The following SYNM variants were observed in gnomAD, a reference collection of about 807,000 sequenced individuals.
SYNM encodes the protein desmuslin.
Under a neutral mutation model 104.0 loss-of-function variants are expected in SYNM, and 95 were observed. The ratio of observed to expected loss-of-function variants is 0.91; its 90% CI spans 0.77 to 1.08. SYNM has a LOEUF of 1.08. Ranked by LOEUF, SYNM falls within the 50% of genes least tolerant of loss-of-function variation. The pLI is 0.00. For synonymous variants in SYNM, 918 were observed against 869.0 expected, an observed-to-expected ratio of 1.06 and a Z score of -0.99; for missense variants, 2,150 against 2,052.2, an observed-to-expected ratio of 1.05 and a Z score of -0.92.
intron 2 of SYNM, among the ~76,000 whole-genome samples, chr15:99,118,253 G>A (rs1170222472): frequency 1.1e-4 from 17 of 152,220 alleles, no homozygotes; most frequent in Admixed American, 7.9e-4. Context: ...ACAAACCCTC[G>A]TCATCCTCGA....
intron 2 of SYNM, among the ~76,000 whole-genome samples, chr15:99,121,991 A>C (rs924016690): frequency 6.6e-6 from 1 of 152,206 alleles, no homozygotes; most frequent in Non-Finnish European, 1.5e-5. Flanking sequence ...TGAAAGAAAA[A>C]ATGGAAAGCT....
chr15:99,109,068 C>T (rs782004128), intron 1 of SYNM, among the ~76,000 whole-genome samples: 5 of 152,192 alleles, frequency 3.3e-5, no homozygotes, highest in Admixed American at 6.5e-5. Context: ...TTGTGCCCAG[C>T]TCTCCCTGCC....
At position 99,131,747 on chromosome 15, in the gene SYNM, C is replaced by T. The variant is rs368155720; in HGVS notation, c.3387C>T (p.Leu1129=). 59 of 1,613,952 alleles carry T rather than the reference C, an allele frequency of 3.7e-5. No individual in the cohort carries two copies. In the Middle Eastern group the frequency reaches 6.6e-4, roughly 18 times the overall value. The change falls in exon 4 of 4, where the codon CTC becomes CTT. Residue 1129 remains leucine (L), a synonymous_variant. Coordinates refer to ENST00000336292, the MANE Select transcript of SYNM (RefSeq NM_145728.3). The surrounding 1 kb of genome is among the most constrained non-coding windows in gnomAD (Gnocchi z 4.3). ...DVSQAARHIK[L]GPSEVWRTER... Reference sequence around the variant, plus strand: ...GCCAGGCTGCAAGGCACATAAAACTCGGCCCCTCTGAAGTCTGGAGGACTG... The same window carrying T: ...GCCAGGCTGCAAGGCACATAAAACTTGGCCCCTCTGAAGTCTGGAGGACTG...
intron 1 of SYNM, among the ~76,000 whole-genome samples, chr15:99,106,845 C>T (rs1477022575): frequency 2.0e-5 from 3 of 152,234 alleles, no homozygotes; most frequent in African/African-American, 7.2e-5. Context: ...CCAAATCACA[C>T]TATCAGTAGT....
At chr15:99,108,536 G>T (rs1431112673) in intron 1 of SYNM, among the ~76,000 whole-genome samples, 3 of 152,152 alleles carry the variant, frequency 2.0e-5, no homozygotes, top group African/African-American at 7.2e-5. Context: ...CCTAAAAATG[G>T]GTTGAATTAG....
chr15:99,123,193 AG>A (rs1417237389), intron 2 of SYNM, among the ~76,000 whole-genome samples: 4 of 152,160 alleles, frequency 2.6e-5, no homozygotes, highest in Non-Finnish European at 1.5e-5. Context: ...TCACAGAACT[AG>A]GAAGTGGCAG....
In SYNM at chr15:99,132,817, A is replaced by AGACG. The variant is rs1450083872; in HGVS notation, c.4457_4458insGACG (p.Asp1486GlufsTer12). Reference sequence around the variant, plus strand: ...GAAGCGGGAGCTCTCGGTGTGTCTGACCGTGGTTCCTGGAGAGACGCGGAC... The same window carrying AGACG: ...GAAGCGGGAGCTCTCGGTGTGTCTGAGACGCCGTGGTTCCTGGAGAGACGCGGAC... On this transcript the variant is annotated frameshift_variant, in exon 4 of 4. Coordinates refer to ENST00000336292, the MANE Select transcript of SYNM (RefSeq NM_145728.3). LOFTEE classifies it high-confidence loss of function. 1 of 1,613,392 alleles carries AGACG rather than the reference A, an allele frequency of 6.2e-7. No homozygotes were observed. The highest frequency in any genetic ancestry group is 2.2e-5 in the East Asian group (1 of 44,858).
downstream of SYNM, chr15:99,139,948 G>C (rs547341732): frequency 3.6e-5 from 12 of 334,030 alleles, no homozygotes; most frequent in African/African-American, 2.4e-4. Context: ...TTGATTGCTT[G>C]TAGTAGGCTA....
rs782724353 is a variant in SYNM, at chr15:99,132,758, G to C, written c.4398G>C (p.Val1466=). ...CTTCGTTTACCTTTCAGATGGATGT[G>C]AGTAACGTAGAGGCGATCCGCAGCC... ...KETSFTFQMD[V]SNVEAIRSRT... is the part of the protein sequence containing the mutation. The change falls in exon 4 of 4, where the codon GTG becomes GTC. Residue 1466 remains valine (V), a synonymous_variant. Coordinates refer to ENST00000336292, the MANE Select transcript of SYNM (RefSeq NM_145728.3). 8 of 1,613,832 alleles carry C rather than the reference G, an allele frequency of 5.0e-6. No homozygotes were observed. The African/African-American group carries it at 8.0e-5, about 16-fold the overall frequency.
At position 99,132,073 on chromosome 15, in the gene SYNM, GCC is replaced by G. The variant is rs782636176; in HGVS notation, c.3716_3717del (p.Pro1239HisfsTer9). 1.9e-6 allele frequency: 3 copies of G among 1,613,918 alleles called. No homozygotes were observed. Among genetic ancestry groups the G allele is most frequent in the South Asian group, 1.1e-5 (1 of 91,070 alleles). ...GCTGAAAAGGAGATTATTTTTCAGG[GCC>G]CCATTTCTGCTGCAGGGAAGGTTGG... On this transcript the variant is annotated frameshift_variant, in exon 4 of 4. Transcript: ENST00000336292. LOFTEE classifies it high-confidence loss of function.
intron 2 of SYNM, among the ~76,000 whole-genome samples, chr15:99,116,716 G>A (rs1486967455): frequency 7.0e-6 from 1 of 142,390 alleles, no homozygotes; most frequent in Non-Finnish European, 1.6e-5. Context: ...CACCCAGGCT[G>A]GAGTGTGGTG....
intron 1 of SYNM, 33 bp from the exon 2 acceptor site, chr15:99,113,558 T>C (rs2067318947): frequency 6.2e-7 from 1 of 1,611,022 alleles, no homozygotes; most frequent in African/African-American, 1.3e-5. Flanking sequence ...AAGCTCCAGT[T>C]CTCTGATATA....
intron 2 of SYNM, among the ~76,000 whole-genome samples, chr15:99,124,743 T>G (rs1248240664): frequency 3.3e-5 from 5 of 152,170 alleles, no homozygotes; most frequent in African/African-American, 1.2e-4. Context: ...CCGTATGCCC[T>G]TGACCAAGAC....
intron 2 of SYNM, among the ~76,000 whole-genome samples, chr15:99,114,777 A>AC (rs11443860): frequency 0.54 from 80,965 of 150,938 alleles, 21,957 homozygotes; most frequent in Middle Eastern, 0.63. Flanking sequence ...CCTTGGCATC[A>AC]CCCTCCTTTC....
At position 99,132,367 on chromosome 15, in the gene SYNM, C is replaced by G; in HGVS notation, c.4007C>G (p.Ser1336Cys). 1 of 1,613,952 alleles carries G rather than the reference C, an allele frequency of 6.2e-7. No individual in the cohort carries two copies. The highest frequency in any genetic ancestry group is 8.5e-7 in the Non-Finnish European group (1 of 1,179,848). ...GGGCTGGTTCCCCAACTGGGGGAATCTGGTGACTCAGAGAGCACTGTGCAC... is the reference window on the plus strand; with the variant it reads ...GGGCTGGTTCCCCAACTGGGGGAATGTGGTGACTCAGAGAGCACTGTGCAC... ...YHGLVPQLGE[S>C]GDSESTVHGE... is the part of the protein sequence containing the mutation. The change falls in exon 4 of 4, where the codon TCT becomes TGT. Residue 1336 changes from serine (S) to cysteine (C), a missense_variant. Coordinates refer to ENST00000336292, the MANE Select transcript of SYNM (RefSeq NM_145728.3).
At chr15:99,118,333 G>C (rs532124346) in intron 2 of SYNM, among the ~76,000 whole-genome samples, 2 of 152,222 alleles carry the variant, frequency 1.3e-5, no homozygotes, top group Admixed American at 1.3e-4. Context: ...GTTTGTGTTC[G>C]TGGACTTGCG....
chr15:99,131,393 C>T lies in SYNM; in HGVS notation c.3033C>T (p.Ala1011=), dbSNP rs782430848. The T allele has an allele frequency of 8.7e-6, 14 of 1,612,448 alleles. No individual in the cohort carries two copies. Among genetic ancestry groups the T allele is most frequent in the Non-Finnish European group, 1.1e-5 (13 of 1,179,406 alleles). ...AEVNVSQTVD[A]DRLDLEELSK... ...TCAACGTCTCACAAACTGTGGATGC[C>T]GATCGGTTAGACCTGGAGGAGCTGA... The change falls in exon 4 of 4, where the codon GCC becomes GCT. Residue 1011 remains alanine, a synonymous_variant. Transcript: ENST00000336292. This position sits in a 1 kb window ranked among gnomAD's most constrained non-coding sequence, Gnocchi z 4.3.
chr15:99,129,533 A>G lies in SYNM; in HGVS notation c.1173A>G (p.Gly391=). 1 of 1,613,980 alleles carries G rather than the reference A, an allele frequency of 6.2e-7. No individual in the cohort carries two copies. Among genetic ancestry groups the G allele is most frequent in the Non-Finnish European group, 8.5e-7 (1 of 1,179,900 alleles). The change falls in exon 4 of 4, where the codon GGA becomes GGG. Residue 391 remains glycine (G), a synonymous_variant. Transcript: ENST00000336292. Reference sequence around the variant, plus strand: ...GATCTCAGACGGGCACATCTATTGGAGGTGATGCCAGAAGAGGCTTCTTGG... The same window carrying G: ...GATCTCAGACGGGCACATCTATTGGGGGTGATGCCAGAAGAGGCTTCTTGG... ...HRGSQTGTSI[G]GDARRGFLGS...
intron 2 of SYNM, among the ~76,000 whole-genome samples, chr15:99,121,096 G>T (rs1174397516): frequency 6.6e-6 from 1 of 152,114 alleles, no homozygotes; most frequent in Admixed American, 6.5e-5. Context: ...TGGCAGAAAG[G>T]AATCAGGAAG....
Sources: allele counts gnomAD v4.1 joint callset (sites outside exome capture counted in the v4.1 genomes callset), GRCh38; gene constraint gnomAD v4.1.1; non-coding constraint Gnocchi (gnomAD v3.1); transcripts MANE v1.5; gene names NCBI Gene and HGNC (gene_info 2026-07-23, HGNC 2026-07-21).